The following SH3D19 variants were observed in gnomAD, a reference collection of about 807,000 sequenced individuals.
SH3D19 encodes SH3 domain-containing protein 19.
A neutral mutation model predicts 112.1 loss-of-function variants in SH3D19; 58 were observed. The ratio of observed to expected loss-of-function variants is 0.52; its 90% CI spans 0.42 to 0.64. The LOEUF is 0.64. SH3D19 is among the 30% of genes least tolerant of loss of function. SH3D19 has a pLI of 0.00. For synonymous variants in SH3D19, 391 were observed against 448.5 expected (o/e 0.87, Z 1.62); for missense variants, 1,090 against 1,263.4 (o/e 0.86, Z 2.08).
rs572565797 is a variant in SH3D19 at position 151,256,834 on chromosome 4, G to A, written c.113-30748C>T. The stretch of plus-strand genomic sequence containing the variant: ...CAGCTCACTGCAACCTCTACCTCCT[G>A]GGTTCAAGCGATTCTCCTGCCTCAG... On this transcript the variant is annotated intron_variant, in intron 1 of 19. Coordinates refer to ENST00000604030, the MANE Select transcript of SH3D19 (RefSeq NM_001378122.1). Among the ~76,000 whole-genome samples the A allele has an allele frequency of 4.6e-5, 7 of 151,992 alleles. No homozygotes were observed. In the East Asian group the frequency reaches 1.4e-3, roughly 29 times the overall value.
chr4:151,282,126 G>C (rs746201559), intron 1 of SH3D19: 10 of 1,611,440 alleles, frequency 6.2e-6, no homozygotes, highest in Admixed American at 5.0e-5. Flanking sequence ...CCATAAGCAG[G>C]CCTCCTTTCT....
chr4:151,140,897 T>C (rs1752869384), intron 12 of SH3D19: 1 of 152,208 alleles, frequency 6.6e-6, no homozygotes, highest in South Asian at 2.1e-4. Context: ...CTGAGATCTT[T>C]TCTAAATCTC....
intron 1 of SH3D19, among the ~76,000 whole-genome samples, chr4:151,324,757 G>A (rs1468648740): frequency 6.7e-6 from 1 of 149,980 alleles, no homozygotes; most frequent in Non-Finnish European, 1.5e-5. Context: ...CAGAAAACTG[G>A]TGAGCTCGGC....
chr4:151,294,131 A>C (rs1775543083), intron 1 of SH3D19, among the ~76,000 whole-genome samples: 1 of 152,188 alleles, frequency 6.6e-6, no homozygotes, highest in East Asian at 1.9e-4. Context: ...TCAAACTGTA[A>C]GTCCACGTAA....
intron 2 of SH3D19, among the ~76,000 whole-genome samples, chr4:151,199,688 G>A (rs1018991816): frequency 2.0e-5 from 3 of 152,040 alleles, no homozygotes; most frequent in South Asian, 2.1e-4. Flanking sequence ...CCAGCTGCAC[G>A]CACTGTGAAA....
chr4:151,289,637 T>G (rs1419344557), intron 1 of SH3D19, among the ~76,000 whole-genome samples: 1 of 152,228 alleles, frequency 6.6e-6, no homozygotes, highest in East Asian at 1.9e-4. Flanking sequence ...TGGAGCCTTC[T>G]AACACTGTTG....
intron 1 of SH3D19, among the ~76,000 whole-genome samples, chr4:151,274,128 T>C (rs6851493): frequency 2.0e-5 from 3 of 152,042 alleles, no homozygotes; most frequent in East Asian, 1.9e-4. Context: ...ATAGTAGTAG[T>C]AGATTTTCAT....
intron 2 of SH3D19, among the ~76,000 whole-genome samples, chr4:151,197,000 T>C (rs544649308): frequency 3.9e-4 from 59 of 152,262 alleles, no homozygotes; most frequent in African/African-American, 1.3e-3. Context: ...TATTAATAGA[T>C]GTTGGTATGG....
chr4:151,307,551 G>A (rs924280787), intron 1 of SH3D19, among the ~76,000 whole-genome samples: 6 of 152,234 alleles, frequency 3.9e-5, no homozygotes, highest in African/African-American at 9.6e-5. Context: ...GTGTGTGCCC[G>A]CAGGGCCTGA....
intron 1 of SH3D19, among the ~76,000 whole-genome samples, chr4:151,298,640 A>G (rs886926250): frequency 1.7e-5 from 2 of 114,954 alleles, no homozygotes; most frequent in African/African-American, 6.1e-5. Context: ...TAGAGAAATA[A>G]AAGCACAATC....
intron 2 of SH3D19, among the ~76,000 whole-genome samples, chr4:151,207,099 C>T (rs1034993186): frequency 6.6e-6 from 1 of 152,158 alleles, no homozygotes; most frequent in South Asian, 2.1e-4. Context: ...TGGGGTAGGA[C>T]CACGTGGAAA....
At chr4:151,186,694 A>C (rs1225220410) in intron 3 of SH3D19, among the ~76,000 whole-genome samples, 2 of 152,036 alleles carry the variant, frequency 1.3e-5, no homozygotes, top group African/African-American at 4.8e-5. Context: ...CTCAGCCCCC[A>C]AAAAAGTGCT....
Position 151,325,243 on chromosome 4 carries a change from G to A in SH3D19, c.110C>T (p.Ala37Val). ...GCCCCGTCCCCCGCGCCTCTCACCT[G>A]CGGCCGAGTGGCCCGAGAGCGCACG... is the stretch of plus-strand genomic sequence containing the variant. ...RGRALSGHSA[A>V]DRNERNKPEH... is the part of the protein sequence containing the mutation. The change falls in exon 1 of 20, where the codon GCA becomes GTA. Residue 37 changes from alanine to valine, a missense_variant and splice_region_variant. Coordinates refer to ENST00000604030, the MANE Select transcript of SH3D19 (RefSeq NM_001378122.1). The A allele has an allele frequency of 8.2e-7, 1 of 1,220,838 alleles. No homozygotes were observed. The highest frequency in any genetic ancestry group is 1.0e-6 in the Non-Finnish European group (1 of 980,644). The allele number at this position is 1,220,838 out of a possible 1,614,324, so 75.6% of individuals were successfully genotyped here. A position where few individuals can be genotyped will look rare whatever the true frequency, so the allele number is the denominator to read the frequency against.
At chr4:151,266,893 C>T (rs1009355440) in intron 1 of SH3D19, among the ~76,000 whole-genome samples, 3 of 152,124 alleles carry the variant, frequency 2.0e-5, no homozygotes, top group Admixed American at 6.6e-5. Flanking sequence ...CAAGAAGGTA[C>T]TATTTAGCCC....
At chr4:151,315,312 T>G (rs1307803481) in intron 1 of SH3D19, among the ~76,000 whole-genome samples, 1 of 152,184 alleles carries the variant, frequency 6.6e-6, no homozygotes, top group African/African-American at 2.4e-5. Flanking sequence ...ACAATAAATA[T>G]TAACTTGTTA....
intron 1 of SH3D19, among the ~76,000 whole-genome samples, chr4:151,266,444 CCATTTG>C (rs1286168143): frequency 6.6e-6 from 1 of 152,166 alleles, no homozygotes; most frequent in Non-Finnish European, 1.5e-5. Context: ...TTAGCTACCT[CCATTTG>C]TTCTCATTGT....
intron 17 of SH3D19, among the ~76,000 whole-genome samples, chr4:151,128,911 T>A (rs895551938): frequency 5.3e-5 from 8 of 152,132 alleles, no homozygotes; most frequent in Admixed American, 4.6e-4. Flanking sequence ...ACTTCTGGGA[T>A]TACAGGCATG....
intron 1 of SH3D19, among the ~76,000 whole-genome samples, chr4:151,295,967 C>T (rs898185110): frequency 2.5e-4 from 37 of 148,792 alleles, no homozygotes; most frequent in African/African-American, 8.4e-4. Context: ...ACCCAGGAGG[C>T]GGAGGTTGCA....
At chr4:151,145,874 T>C (rs1753836221) in intron 11 of SH3D19, among the ~76,000 whole-genome samples, 1 of 152,196 alleles carries the variant, frequency 6.6e-6, no homozygotes. Flanking sequence ...CCTCACTTGT[T>C]AAAGGAGGAT....
Sources: gnomAD v4.1 joint callset for allele counts (sites outside exome capture counted in the v4.1 genomes callset) on GRCh38, gnomAD v4.1.1 for gene constraint, MANE v1.5 for transcripts, NCBI Gene and HGNC (gene_info 2026-07-23, HGNC 2026-07-21) for gene names.